Variants in KCNG3 observed in about 807,000 individuals in gnomAD.
KCNG3 encodes voltage-gated potassium channel regulatory subunit KCNG3.
A neutral mutation model predicts 29.0 loss-of-function variants in KCNG3; 15 were observed. That is an observed-to-expected ratio of 0.52 (90% CI 0.35 to 0.80). The LOEUF (loss-of-function observed/expected upper bound fraction) is 0.80. Among genes scored for constraint, KCNG3 ranks in the 30% least tolerant of loss-of-function variants. KCNG3 has a pLI of 0.01. For missense variants in KCNG3, 512 were observed against 605.7 expected (o/e 0.85, Z 1.62); for synonymous variants, 322 against 248.9 (o/e 1.29, Z -2.76).
intron 1 of KCNG3, among the ~76,000 whole-genome samples, chr2:42,465,373 C>A (rs142626099): frequency 2.0e-5 from 3 of 151,756 alleles, no homozygotes; most frequent in Non-Finnish European, 4.4e-5. Flanking sequence ...TGCACCACCA[C>A]GCCCAACTAG....
the KCNG3 span, among the ~76,000 whole-genome samples, chr2:42,405,521 C>G: frequency 7.9e-5 from 12 of 152,012 alleles, no homozygotes; most frequent in African/African-American, 2.9e-4. Context: ...TCACTGCAGC[C>G]TCTGCCTCCC....
the KCNG3 span, among the ~76,000 whole-genome samples, chr2:42,409,017 G>C: frequency 6.6e-6 from 1 of 152,140 alleles, no homozygotes; most frequent in Non-Finnish European, 1.5e-5. Flanking sequence ...GCCAGTGCCT[G>C]TGCTGGCACC....
At chr2:42,474,406 T>C (rs945053371) in intron 1 of KCNG3, among the ~76,000 whole-genome samples, 1 of 142,760 alleles carries the variant, frequency 7.0e-6, no homozygotes, top group Non-Finnish European at 1.5e-5. Context: ...CGCATGCCTA[T>C]AATCCCAGCT....
At chr2:42,428,780 T>A in the KCNG3 span, among the ~76,000 whole-genome samples, 2 of 152,162 alleles carry the variant, frequency 1.3e-5, no homozygotes, top group Non-Finnish European at 2.9e-5. Flanking sequence ...TCCACAGTGA[T>A]GTCAGGTGTC....
intron 1 of KCNG3, among the ~76,000 whole-genome samples, chr2:42,487,859 G>A (rs770664883): frequency 6.6e-6 from 1 of 152,170 alleles, no homozygotes; most frequent in South Asian, 2.1e-4. Context: ...CGACATAAAT[G>A]TATAGTGACT....
chr2:42,399,996 C>A, the KCNG3 span, among the ~76,000 whole-genome samples: 1 of 152,174 alleles, frequency 6.6e-6, no homozygotes, highest in Non-Finnish European at 1.5e-5. Flanking sequence ...GTGGTCCCAG[C>A]TATTCAGGAG....
At chr2:42,445,179 T>C (rs567547053) in intron 1 of KCNG3, among the ~76,000 whole-genome samples, 52 of 152,114 alleles carry the variant, frequency 3.4e-4, no homozygotes, top group Non-Finnish European at 5.9e-4. Context: ...AAAAAATATC[T>C]CTCTTATTTG....
At chr2:42,461,292 G>T (rs1673012352) in intron 1 of KCNG3, among the ~76,000 whole-genome samples, 1 of 150,086 alleles carries the variant, frequency 6.7e-6, no homozygotes, top group Non-Finnish European at 1.5e-5. Context: ...CGCTCTAACA[G>T]AGGACTTGGG....
chr2:42,408,703 T>A, the KCNG3 span, among the ~76,000 whole-genome samples: 3 of 152,208 alleles, frequency 2.0e-5, no homozygotes, highest in Non-Finnish European at 4.4e-5. Flanking sequence ...CTTGTCTGCA[T>A]ACCTTATTCT....
chr2:42,488,017 A>G (rs1673772162), intron 1 of KCNG3, among the ~76,000 whole-genome samples: 1 of 152,238 alleles, frequency 6.6e-6, no homozygotes, highest in Non-Finnish European at 1.5e-5. Flanking sequence ...TTGTAAATAT[A>G]TATAATGTAC....
chr2:42,441,608 C>T (rs759718719), downstream of KCNG3, among the ~76,000 whole-genome samples: 1 of 151,740 alleles, frequency 6.6e-6, no homozygotes, highest in East Asian at 1.9e-4. Flanking sequence ...TTATGAAAAT[C>T]GGTCCTATGG....
chr2:42,410,077 A>G, the KCNG3 span, among the ~76,000 whole-genome samples: 1 of 152,158 alleles, frequency 6.6e-6, no homozygotes, highest in African/African-American at 2.4e-5. Context: ...ACTGATGTGT[A>G]CGTAGCTTTC....
At chr2:42,478,585 T>C (rs771223701) in intron 1 of KCNG3, among the ~76,000 whole-genome samples, 9 of 151,848 alleles carry the variant, frequency 5.9e-5, no homozygotes, top group Admixed American at 2.0e-4. Context: ...TACATGGTAG[T>C]GGAGGATATA....
chr2:42,439,508 C>T (rs890093962), downstream of KCNG3, among the ~76,000 whole-genome samples: 9 of 151,450 alleles, frequency 5.9e-5, no homozygotes, highest in African/African-American at 2.2e-4. Context: ...AGTGATCTGC[C>T]CACCTTGGCC....
At chr2:42,476,739 C>G (rs1293295312) in intron 1 of KCNG3, among the ~76,000 whole-genome samples, 1 of 151,626 alleles carries the variant, frequency 6.6e-6, no homozygotes, top group Admixed American at 6.6e-5. Flanking sequence ...ATCTGCCAGC[C>G]TCAGCCTCCC....
chr2:42,406,816 G>A, the KCNG3 span, among the ~76,000 whole-genome samples: 1 of 110,070 alleles, frequency 9.1e-6, no homozygotes, highest in South Asian at 3.7e-4. Flanking sequence ...GACAGGGTGA[G>A]ACTCCTTCTC....
chr2:42,441,397 AT>A (rs1672475613), downstream of KCNG3, among the ~76,000 whole-genome samples: 3 of 152,096 alleles, frequency 2.0e-5, no homozygotes, highest in South Asian at 6.2e-4. Context: ...CTAGAAAAAA[AT>A]AAATAGATAA....
intron 1 of KCNG3, among the ~76,000 whole-genome samples, chr2:42,456,704 C>G (rs1451711978): frequency 2.0e-5 from 3 of 152,170 alleles, no homozygotes; most frequent in Non-Finnish European, 2.9e-5. Context: ...TCAGCCTTAA[C>G]AACCCCAGGA....
chr2:42,454,079 G>T (rs1055106540), intron 1 of KCNG3, among the ~76,000 whole-genome samples: 1 of 134,658 alleles, frequency 7.4e-6, no homozygotes, highest in Admixed American at 8.1e-5. Flanking sequence ...CCACAATGAG[G>T]ATGGCTACTA....
Sources: gnomAD v4.1 joint callset for allele counts (sites outside exome capture counted in the v4.1 genomes callset) on GRCh38, gnomAD v4.1.1 for gene constraint, MANE v1.5 for transcripts, NCBI Gene and HGNC (gene_info 2026-07-23, HGNC 2026-07-21) for gene names.